Variants in TAFA1 observed in about 807,000 individuals in gnomAD.
TAFA1 encodes chemokine-like protein TAFA-1.
In TAFA1, 4 loss-of-function variants were observed where a neutral mutation model predicts 18.5. The observed-to-expected ratio is 0.22, with a 90% confidence interval of 0.11 to 0.49. TAFA1 has a LOEUF of 0.49. Ranked by LOEUF, TAFA1 falls within the 20% of genes least tolerant of loss-of-function variation. The pLI is 0.98. For missense variants in TAFA1, 147 were observed against 169.0 expected, an observed-to-expected ratio of 0.87 and a Z score of 0.72; for synonymous variants, 56 against 55.2, an observed-to-expected ratio of 1.01 and a Z score of -0.06.
intron 2 of TAFA1, among the ~76,000 whole-genome samples, chr3:68,310,931 T>G (rs1033097013): frequency 6.6e-6 from 1 of 152,190 alleles, no homozygotes; most frequent in Non-Finnish European, 1.5e-5. Context: ...ATTTTCATGC[T>G]GCTGATAAAG....
At chr3:68,210,917 A>G (rs2066588653) in intron 2 of TAFA1, among the ~76,000 whole-genome samples, 1 of 151,992 alleles carries the variant, frequency 6.6e-6, no homozygotes, top group Non-Finnish European at 1.5e-5. Context: ...CTGTGGCTAC[A>G]GGCATCTGTA....
At chr3:68,075,679 A>C (rs1395792333) in intron 2 of TAFA1, among the ~76,000 whole-genome samples, 1 of 150,040 alleles carries the variant, frequency 6.7e-6, no homozygotes, top group Non-Finnish European at 1.5e-5. Flanking sequence ...ACCAAGAACG[A>C]CTATCTTTTC....
intron 2 of TAFA1, among the ~76,000 whole-genome samples, chr3:68,238,265 G>A (rs1237147504): frequency 6.6e-6 from 1 of 152,174 alleles, no homozygotes; most frequent in Non-Finnish European, 1.5e-5. Context: ...TTAGGGCTGA[G>A]GTAGGGGACC....
intron 2 of TAFA1, among the ~76,000 whole-genome samples, chr3:68,293,763 A>G (rs188231094): frequency 4.0e-4 from 61 of 152,314 alleles, no homozygotes; most frequent in African/African-American, 1.4e-3. Context: ...TGGTCTTTGG[A>G]GACCTTTGGG....
intron 2 of TAFA1, among the ~76,000 whole-genome samples, chr3:68,048,848 A>T (rs1449602326): frequency 1.3e-5 from 2 of 152,170 alleles, no homozygotes; most frequent in Non-Finnish European, 2.9e-5. Context: ...CATTTTAAAA[A>T]ATCTATTCAT....
chr3:68,019,546 T>C lies in TAFA1; in HGVS notation c.118+12802T>C, dbSNP rs371203263. ...TCATAAGATTGTTTGGCATTTATCA[T>C]GTTGAGACTTTATAAATTATCTAGA... On this transcript the variant is annotated intron_variant, in intron 2 of 4. Coordinates refer to ENST00000478136, the MANE Select transcript of TAFA1 (RefSeq NM_213609.4). Among the ~76,000 whole-genome samples, 46 of 152,354 alleles carry C rather than the reference T, an allele frequency of 3.0e-4. 1 individual carries two copies. In the East Asian group the frequency reaches 8.1e-3, roughly 27 times the overall value.
chr3:68,329,127 C>A (rs1363944602), intron 2 of TAFA1, among the ~76,000 whole-genome samples: 1 of 150,400 alleles, frequency 6.6e-6, no homozygotes, highest in Non-Finnish European at 1.5e-5. Flanking sequence ...CTCCGTCACC[C>A]AACCTCCGCC....
chr3:68,272,002 CA>C (rs1455284573), intron 2 of TAFA1, among the ~76,000 whole-genome samples: 3 of 152,218 alleles, frequency 2.0e-5, no homozygotes, highest in East Asian at 1.9e-4. Flanking sequence ...AATAGATGCT[CA>C]GGGGGAAATT....
At chr3:68,083,732 C>G (rs1188932371) in intron 2 of TAFA1, among the ~76,000 whole-genome samples, 1 of 152,144 alleles carries the variant, frequency 6.6e-6, no homozygotes, top group Non-Finnish European at 1.5e-5. Context: ...TTGGTCTTGA[C>G]TTCTTCTGGC....
At chr3:68,005,103 G>A (rs1201444782) in intron 1 of TAFA1, among the ~76,000 whole-genome samples, 1 of 151,974 alleles carries the variant, frequency 6.6e-6, no homozygotes, top group Non-Finnish European at 1.5e-5. Context: ...TACATCCACA[G>A]TCACCTCTGT....
At chr3:68,530,843 G>A (rs1273320431) in intron 3 of TAFA1, among the ~76,000 whole-genome samples, 1 of 151,938 alleles carries the variant, frequency 6.6e-6, no homozygotes, top group Non-Finnish European at 1.5e-5. Flanking sequence ...GAATCTAAAT[G>A]TTTTTGTTTT....
At chr3:68,237,282 G>A (rs909120416) in intron 2 of TAFA1, among the ~76,000 whole-genome samples, 14 of 152,266 alleles carry the variant, frequency 9.2e-5, no homozygotes, top group Middle Eastern at 3.4e-3. Context: ...GGCCTTTTCC[G>A]TAAAGGCACT....
At chr3:68,070,669 C>T (rs959151895) in intron 2 of TAFA1, among the ~76,000 whole-genome samples, 1 of 152,184 alleles carries the variant, frequency 6.6e-6, no homozygotes, top group African/African-American at 2.4e-5. Flanking sequence ...CTCTGTTTCC[C>T]TTATAAAACT....
At chr3:68,113,156 G>C (rs79201668) in intron 2 of TAFA1, among the ~76,000 whole-genome samples, 2,106 of 152,268 alleles carry the variant, frequency 0.014, 21 homozygotes, top group Middle Eastern at 0.024. Context: ...TTTCGCACCA[G>C]ATCCCAAGAT....
chr3:68,477,377 A>C (rs1243410818), intron 3 of TAFA1, among the ~76,000 whole-genome samples: 1 of 152,086 alleles, frequency 6.6e-6, no homozygotes, highest in Non-Finnish European at 1.5e-5. Context: ...TGCTTTTAAA[A>C]AAAAATTCTT....
At chr3:68,084,320 G>T (rs952309548) in intron 2 of TAFA1, among the ~76,000 whole-genome samples, 11 of 152,182 alleles carry the variant, frequency 7.2e-5, no homozygotes, top group African/African-American at 2.7e-4. Flanking sequence ...GCTTAGAAAA[G>T]ATAAGAATTT....
At chr3:68,008,661 C>T (rs1704411826) in intron 2 of TAFA1, among the ~76,000 whole-genome samples, 1 of 152,158 alleles carries the variant, frequency 6.6e-6, no homozygotes, top group South Asian at 2.1e-4. Flanking sequence ...ACCGAGTGAC[C>T]ATGCCAAATA....
chr3:68,110,158 T>A (rs2065247672), intron 2 of TAFA1, among the ~76,000 whole-genome samples: 1 of 152,066 alleles, frequency 6.6e-6, no homozygotes, highest in African/African-American at 2.4e-5. Flanking sequence ...CTCCAGTGGG[T>A]GTTGTTTCCC....
chr3:68,435,922 G>A (rs4855477), intron 3 of TAFA1, among the ~76,000 whole-genome samples: 61,155 of 151,984 alleles, frequency 0.4, 12,814 homozygotes, highest in Middle Eastern at 0.43. Flanking sequence ...ACCTAGGGAG[G>A]TTTTTTAAAA....
Sources: gnomAD v4.1 joint callset for allele counts (sites outside exome capture counted in the v4.1 genomes callset) on GRCh38, gnomAD v4.1.1 for gene constraint, MANE v1.5 for transcripts, NCBI Gene and HGNC (gene_info 2026-07-23, HGNC 2026-07-21) for gene names.